Variants in PCDHGA10 observed in about 807,000 individuals in gnomAD.
The protein encoded by PCDHGA10 is protocadherin gamma subfamily A, 10, also known as protocadherin gamma-A10.
Under a neutral mutation model 59.5 loss-of-function variants are expected in PCDHGA10, and 42 were observed. The observed-to-expected ratio is 0.71, with a 90% CI of 0.55 to 0.91. The LOEUF (loss-of-function observed/expected upper bound fraction) is 0.91. Among genes scored for constraint, PCDHGA10 ranks in the 40% least tolerant of loss-of-function variants. The pLI is 0.00. For synonymous variants in PCDHGA10, 511 were observed against 517.2 expected (o/e 0.99, Z 0.16); for missense variants, 1,111 against 1,198.2 (o/e 0.93, Z 1.07).
At chr5:141,475,832 T>G in intron 1 of PCDHGA10, 1 of 410,610 alleles carries the variant, frequency 2.4e-6, no homozygotes, top group Non-Finnish European at 4.4e-6. Flanking sequence ...CTAGCGCGTG[T>G]CCTGCTCAGA....
chr5:141,483,872 T>A (rs1373802168), intron 1 of PCDHGA10, among the ~76,000 whole-genome samples: 1 of 152,080 alleles, frequency 6.6e-6, no homozygotes, highest in African/African-American at 2.4e-5. Context: ...CAGATCAGGA[T>A]GGATTTTTCT....
At chr5:141,419,775 G>C in intron 1 of PCDHGA10, 1 of 1,614,016 alleles carries the variant, frequency 6.2e-7, no homozygotes, top group Non-Finnish European at 8.5e-7. Flanking sequence ...GACTCGGTCC[G>C]CCAGCGCCTG....
chr5:141,474,056 C>T (rs576482294), intron 1 of PCDHGA10, among the ~76,000 whole-genome samples: 37 of 152,136 alleles, frequency 2.4e-4, no homozygotes, highest in Non-Finnish European at 4.9e-4. Flanking sequence ...GATGACAGAG[C>T]GAGATCCTGC....
chr5:141,506,109 A>G (rs1027886504), intron 3 of PCDHGA10, among the ~76,000 whole-genome samples: 5 of 152,126 alleles, frequency 3.3e-5, no homozygotes, highest in Middle Eastern at 3.2e-3. Flanking sequence ...GTCCCTGAAG[A>G]GTCACTAGGG....
In PCDHGA10 at chr5:141,486,709, C is replaced by G. The variant is rs1485764871; in HGVS notation, c.2437-8098C>G. ...CTTCCTCTTTCATCTCTCTGAACCC[C>G]CAGACAGGAGCTGTTCATGCTACTC... On this transcript the variant is annotated intron_variant, in intron 1 of 3. Coordinates refer to ENST00000398610, the MANE Select transcript of PCDHGA10 (RefSeq NM_018913.3). The surrounding 1 kb of genome is among the most constrained non-coding windows in gnomAD (Gnocchi z 5.0). 1 of 1,614,182 alleles carries G rather than the reference C, an allele frequency of 6.2e-7. No individual in the cohort carries two copies. Among genetic ancestry groups the G allele is most frequent in the Middle Eastern group, 1.6e-4 (1 of 6,062 alleles).
chr5:141,461,667 G>C (rs1337688159), intron 1 of PCDHGA10, among the ~76,000 whole-genome samples: 4 of 151,994 alleles, frequency 2.6e-5, no homozygotes, highest in African/African-American at 9.7e-5. Context: ...TTTAAAGTTT[G>C]TTATTTTGTT....
In PCDHGA10 at chr5:141,512,385, A is replaced by G. The variant is rs78180647; in HGVS notation, c.*1212A>G. 6,750 of 152,704 alleles carry G rather than the reference A, an allele frequency of 0.044. 413 individuals carry two copies. Among genetic ancestry groups the G allele is most frequent in the Admixed American group, 0.18 (2,745 of 15,296 alleles). The allele number at this position is 152,704 out of a possible 1,614,324, so 9.5% of individuals were successfully genotyped here. ...TAGGGCAGGGACCAAATGAACAGAAAGTCTCAGCCCAGGATGGGGCTTCTT... is the reference window on the plus strand; with the variant it reads ...TAGGGCAGGGACCAAATGAACAGAAGGTCTCAGCCCAGGATGGGGCTTCTT... On this transcript the variant is annotated 3_prime_UTR_variant, in exon 4 of 4. Coordinates refer to ENST00000398610, the MANE Select transcript of PCDHGA10 (RefSeq NM_018913.3).
At chr5:141,427,803 G>A (rs781324396) in intron 1 of PCDHGA10, 2 of 1,511,804 alleles carry the variant, frequency 1.3e-6, no homozygotes, top group Admixed American at 1.7e-5. Context: ...GTCCGTGAGC[G>A]CACAGAGCGG....
rs751153896 is a variant in PCDHGA10, at chr5:141,477,514, T to C, written c.2437-17293T>C. On this transcript the variant is annotated intron_variant, in intron 1 of 3. Transcript: ENST00000398610. The surrounding 1 kb of genome is among the most constrained non-coding windows in gnomAD (Gnocchi z 4.9). ...CTCAATCTTCCTACGACGTTTACAT[T>C]GAAGAAAACAACCTCCCCGGGGCTC... is the stretch of plus-strand genomic sequence containing the variant. 2 of 1,614,114 alleles carry C rather than the reference T, an allele frequency of 1.2e-6. No individual in the cohort carries two copies. The highest frequency in any genetic ancestry group is 2.2e-5 in the East Asian group (1 of 44,878).
rs758065876 is a variant in PCDHGA10 at position 141,422,916 on chromosome 5, C to A, written c.2436+7305C>A. 5.6e-6 allele frequency: 9 copies of A among 1,614,260 alleles called. No homozygotes were observed. In the South Asian group the frequency reaches 9.9e-5, roughly 18 times the overall value. ...ACCAGAACGACAATGCGCCCGAGAT[C>A]CTGTACCCTGCCCTCCCCACAGACG... On this transcript the variant is annotated intron_variant, in intron 1 of 3. Coordinates refer to ENST00000398610, the MANE Select transcript of PCDHGA10 (RefSeq NM_018913.3).
chr5:141,510,280 A>G (rs1218058358), intron 3 of PCDHGA10, among the ~76,000 whole-genome samples: 1 of 151,892 alleles, frequency 6.6e-6, no homozygotes, highest in Non-Finnish European at 1.5e-5. Context: ...CTTAAAAAAA[A>G]AAAAAAAAAA....
rs1045755927 is a variant in PCDHGA10 at position 141,415,095 on chromosome 5, C to A, written c.1920C>A (p.Asp640Glu). 2 of 1,613,466 alleles carry A rather than the reference C, an allele frequency of 1.2e-6. No homozygotes were observed. The highest frequency in any genetic ancestry group is 2.2e-5 in the East Asian group (1 of 44,884). ...CGGCGCGAGCCCTGCTGGACAGAGA[C>A]GCGCTCAAGCAAAGCCTCGTAGTGG... The part of the protein sequence containing the change: ...VRTARALLDR[D>E]ALKQSLVVAV... Residue 640 changes from aspartate (D) to glutamate (E), a missense_variant, in exon 1 of 4, where the codon GAC becomes GAA. Asp to Glu is a conservative substitution (Grantham distance 45). Transcript: ENST00000398610.
At chr5:141,498,971 G>GGAAGGAA (rs2099787559) in intron 2 of PCDHGA10, among the ~76,000 whole-genome samples, 2 of 111,052 alleles carry the variant, frequency 1.8e-5, no homozygotes, top group African/African-American at 7.2e-5. Context: ...GAGGGAGGGA[G>GGAAGGAA]GGAAGGAAGG....
In PCDHGA10 at chr5:141,413,874, T is replaced by C; in HGVS notation, c.699T>C (p.Ser233=). The C allele has an allele frequency of 6.2e-7, 1 of 1,613,424 alleles. No individual in the cohort carries two copies. The highest frequency in any genetic ancestry group is 8.5e-7 in the Non-Finnish European group (1 of 1,179,882). The change falls in exon 1 of 4, where the codon AGT becomes AGC. Residue 233 remains serine, a synonymous_variant. Transcript: ENST00000398610. ...TCCGATCTGGCACTGTCCTTGTCAG[T>C]GTGACTGTCTTCGATGCAAATGACA... The part of the protein sequence containing the change: ...DPLRSGTVLV[S]VTVFDANDNA...
chr5:141,483,833 G>A (rs964111814), intron 1 of PCDHGA10, among the ~76,000 whole-genome samples: 1 of 152,116 alleles, frequency 6.6e-6, no homozygotes, highest in Admixed American at 6.5e-5. Flanking sequence ...CCTAGGTAAG[G>A]ACTTGGTTGA....
chr5:141,489,151 A>G lies in PCDHGA10; in HGVS notation c.2437-5656A>G. On this transcript the variant is annotated intron_variant, in intron 1 of 3. Transcript: ENST00000398610. This position sits in a 1 kb window ranked among gnomAD's most constrained non-coding sequence, Gnocchi z 4.5. ...TTTTTAAGAGGCTGGAAGGAGACAT[A>G]AGAGACTTCAGCTGCTGCATTCCAA... is the stretch of plus-strand genomic sequence containing the variant. The G allele has an allele frequency of 4.3e-6, 4 of 932,968 alleles. No individual in the cohort carries two copies. Among genetic ancestry groups the G allele is most frequent in the Non-Finnish European group, 6.4e-6 (4 of 622,052 alleles). 57.8% of individuals were successfully genotyped at this position (932,968 alleles called of 1,614,324 possible).
chr5:141,472,364 AC>A (rs2099278314), intron 1 of PCDHGA10, among the ~76,000 whole-genome samples: 1 of 151,866 alleles, frequency 6.6e-6, no homozygotes, highest in Non-Finnish European at 1.5e-5. Flanking sequence ...ACACGGTGAA[AC>A]CCCGTCTCCA....
chr5:141,439,171 C>T (rs948650584), intron 1 of PCDHGA10, among the ~76,000 whole-genome samples: 3 of 146,478 alleles, frequency 2.0e-5, no homozygotes, highest in Non-Finnish European at 3.0e-5. Context: ...CCAGCCTGGG[C>T]GACATAGTGA....
Position 141,431,010 on chromosome 5 carries a change from T to G in PCDHGA10, c.2436+15399T>G. 2 of 1,613,972 alleles carry G rather than the reference T, an allele frequency of 1.2e-6. No individual in the cohort carries two copies. The highest frequency in any genetic ancestry group is 1.7e-6 in the Non-Finnish European group (2 of 1,179,964). The stretch of plus-strand genomic sequence containing the variant: ...GCCCTGAATCCGCGCAGCGGCAGCT[T>G]GGTCACGGCGGGCAGGATAGACCGG... On this transcript the variant is annotated intron_variant, in intron 1 of 3. Transcript: ENST00000398610. The surrounding 1 kb of genome is among the most constrained non-coding windows in gnomAD (Gnocchi z 4.8).
Sources: gnomAD v4.1 joint callset for allele counts (sites outside exome capture counted in the v4.1 genomes callset) on GRCh38, gnomAD v4.1.1 for gene constraint, Gnocchi (gnomAD v3.1) non-coding constraint, MANE v1.5 for transcripts, NCBI Gene and HGNC (gene_info 2026-07-23, HGNC 2026-07-21) for gene names.